ANKAR: variants seen among roughly 807,000 people sequenced by gnomAD.
The protein encoded by ANKAR is ankyrin and armadillo repeat-containing protein.
In ANKAR, 136 loss-of-function variants were observed where a neutral mutation model predicts 146.2. The ratio of observed to expected loss-of-function variants is 0.93; its 90% CI spans 0.81 to 1.07. The LOEUF (loss-of-function observed/expected upper bound fraction) is 1.07, where lower values mean the gene tolerates loss of function less well. ANKAR is among the 50% of genes least tolerant of loss of function. The pLI, the probability that ANKAR is intolerant of heterozygous loss-of-function variation, is 0.00. For missense variants in ANKAR, 1,567 were observed against 1,679.9 expected (o/e 0.93, Z 1.18); for synonymous variants, 500 against 575.8 (o/e 0.87, Z 1.88).
chr2:189,745,340 C>T (rs1458414860), intron 22 of ANKAR, among the ~76,000 whole-genome samples: 2 of 152,114 alleles, frequency 1.3e-5, no homozygotes, highest in Non-Finnish European at 2.9e-5. Flanking sequence ...GAAAGTGACT[C>T]CTGTCTTATT....
chr2:189,735,037 G>A (rs2042726221), intron 17 of ANKAR, among the ~76,000 whole-genome samples: 1 of 150,552 alleles, frequency 6.6e-6, no homozygotes, highest in Non-Finnish European at 1.5e-5. Context: ...ATATATATAT[G>A]TGGAAACTAA....
At chr2:189,681,754 G>A (rs910644300) in intron 2 of ANKAR, among the ~76,000 whole-genome samples, 3 of 152,180 alleles carry the variant, frequency 2.0e-5, no homozygotes, top group Admixed American at 1.3e-4. Context: ...TATTCAATGA[G>A]CTTGGGGCTG....
chr2:189,706,505 G>A (rs757680111), intron 8 of ANKAR, among the ~76,000 whole-genome samples: 2 of 152,170 alleles, frequency 1.3e-5, no homozygotes, highest in Non-Finnish European at 2.9e-5. Context: ...GAGCAAAACT[G>A]TTAGTTTCTG....
intron 16 of ANKAR, among the ~76,000 whole-genome samples, chr2:189,730,960 C>T (rs771172370): frequency 2.6e-5 from 4 of 152,060 alleles, no homozygotes; most frequent in Admixed American, 6.6e-5. Context: ...TAAAACTGGG[C>T]GGCGATAGTG....
At chr2:189,706,070 A>G (rs946776886) in intron 8 of ANKAR, among the ~76,000 whole-genome samples, 2 of 150,440 alleles carry the variant, frequency 1.3e-5, no homozygotes, top group Non-Finnish European at 3.0e-5. Flanking sequence ...TCAGATGGCA[A>G]CTCCTGCTTT....
At position 189,754,997 on chromosome 2, in the gene ANKAR, AG is replaced by A. The variant is rs768848299; in HGVS notation, c.*585-6100del. ...CTTACCATTTTATTAAGAAAGGCTA[AG>A]AATTATAAAATTGTGTACTACTCTT... On this transcript the variant is annotated intron_variant and NMD_transcript_variant, in intron 18 of 18. Coordinates refer to the ANKAR transcript ENST00000441800. 34 of 699,140 alleles carry A rather than the reference AG, an allele frequency of 4.9e-5. No individual in the cohort carries two copies. The South Asian group carries it at 7.3e-4, about 15-fold the overall frequency. 43.3% of individuals were successfully genotyped at this position (699,140 alleles called of 1,614,324 possible). A position where few individuals can be genotyped will look rare whatever the true frequency, so the allele number is the denominator to read the frequency against.
intron 18 of ANKAR, among the ~76,000 whole-genome samples, chr2:189,759,483 C>A (rs985371195): frequency 6.6e-6 from 1 of 152,166 alleles, no homozygotes; most frequent in African/African-American, 2.4e-5. Flanking sequence ...ATCTCCTGAC[C>A]TCATGGTCCA....
chr2:189,746,613 C>G lies in ANKAR; in HGVS notation c.4291C>G (p.Pro1431Ala), dbSNP rs758560967. The part of the protein sequence containing the change: ...GKHVQKANPE[P>A]AEG The stretch of plus-strand genomic sequence containing the variant: ...ACATGTCCAGAAAGCCAACCCAGAG[C>G]CTGCAGAAGGCTAATAAAACATTTT... Residue 1431 changes from proline to alanine, a missense_variant, in exon 23 of 23, where the codon CCT becomes GCT. By Grantham distance (27) the Pro-to-Ala change is conservative. Transcript: ENST00000684021. 3 of 1,597,162 alleles carry G rather than the reference C, an allele frequency of 1.9e-6. No individual in the cohort carries two copies. The South Asian group carries it at 3.5e-5, about 18-fold the overall frequency.
intron 2 of ANKAR, among the ~76,000 whole-genome samples, chr2:189,678,811 T>G (rs2105731521): frequency 6.6e-6 from 1 of 152,376 alleles, no homozygotes; most frequent in Admixed American, 6.5e-5. Flanking sequence ...AGTACCATGC[T>G]GTTTTGTTAA....
At chr2:189,743,796 C>A (rs1049893419) in intron 21 of ANKAR, among the ~76,000 whole-genome samples, 1 of 152,176 alleles carries the variant, frequency 6.6e-6, no homozygotes, top group African/African-American at 2.4e-5. Flanking sequence ...ACTAGGGATA[C>A]ATTTGAGAGT....
At chr2:189,736,211 T>G (rs1480617604) in intron 17 of ANKAR, among the ~76,000 whole-genome samples, 13 of 152,166 alleles carry the variant, frequency 8.5e-5, no homozygotes, top group Admixed American at 6.5e-4. Flanking sequence ...CACTTTATAA[T>G]CTAAACTATT....
intron 2 of ANKAR, among the ~76,000 whole-genome samples, chr2:189,678,039 G>A (rs115176960): frequency 0.019 from 2,834 of 152,248 alleles, 86 homozygotes; most frequent in African/African-American, 0.064. Flanking sequence ...GGTTGTGCTA[G>A]TTTACATTAC....
intron 9 of ANKAR, among the ~76,000 whole-genome samples, chr2:189,709,673 C>T (rs1346692295): frequency 6.6e-6 from 1 of 152,150 alleles, no homozygotes; most frequent in Non-Finnish European, 1.5e-5. Context: ...TGGCTCAATA[C>T]CTGACGTTGG....
intron 18 of ANKAR, chr2:189,753,999 CCATTGTGTGCTGTACTGTGGCAG>C (rs758766682): frequency 6.2e-7 from 1 of 1,613,666 alleles, no homozygotes; most frequent in Non-Finnish European, 8.5e-7. Flanking sequence ...AGATGACATG[CCATTGTGTGCTGTACTGTGGCAG>C]CAATGTCTGC....
chr2:189,703,588 A>G (rs956830270), intron 7 of ANKAR, among the ~76,000 whole-genome samples: 1 of 152,216 alleles, frequency 6.6e-6, no homozygotes, highest in African/African-American at 2.4e-5. Context: ...AGATCTGCAA[A>G]TCAGAAGAAA....
intron 7 of ANKAR, among the ~76,000 whole-genome samples, chr2:189,703,949 G>A (rs2038457358): frequency 1.3e-5 from 2 of 152,170 alleles, no homozygotes; most frequent in African/African-American, 4.8e-5. Flanking sequence ...TCATGATCCA[G>A]TTACCTCTCT....
rs753689816 is a variant in ANKAR at position 189,720,813 on chromosome 2, TATA to T, written c.2635+29_2635+31del. On this transcript the variant is annotated intron_variant, in intron 12 of 22. Transcript: ENST00000684021. ...GTGAGCTTCTATCTCTGTATTATTT[TATA>T]ATGACCAGATATATTAAGTGAAGCA... 9.8e-6 allele frequency: 14 copies of T among 1,426,222 alleles called. No individual in the cohort carries two copies. The East Asian group carries it at 3.6e-4, about 37-fold the overall frequency. The allele number at this position is 1,426,222 out of a possible 1,614,324, so 88.3% of individuals were successfully genotyped here. A position where few individuals can be genotyped will look rare whatever the true frequency, so the allele number is the denominator to read the frequency against.
chr2:189,750,493 A>G (rs1240324011), downstream of ANKAR: 18 of 686,246 alleles, frequency 2.6e-5, no homozygotes, highest in East Asian at 5.8e-5. Flanking sequence ...AATATTATAT[A>G]TCTTCTACAA....
chr2:189,731,208 C>T (rs2042363529), intron 16 of ANKAR, among the ~76,000 whole-genome samples: 1 of 152,060 alleles, frequency 6.6e-6, no homozygotes, highest in Non-Finnish European at 1.5e-5. Flanking sequence ...AATACTCTTA[C>T]CCAGGCTTTA....
Sources: allele counts gnomAD v4.1 joint callset (sites outside exome capture counted in the v4.1 genomes callset), GRCh38; gene constraint gnomAD v4.1.1; transcripts MANE v1.5; gene names NCBI Gene and HGNC (gene_info 2026-07-23, HGNC 2026-07-21).